The following MCPH1 variants were observed in gnomAD, a reference collection of about 807,000 sequenced individuals.
The protein encoded by MCPH1 is microcephalin 1, also known as microcephalin.
MCPH1 carries 104 observed loss-of-function variants against 84.5 expected under a neutral mutation model. The ratio of observed to expected loss-of-function variants is 1.23; its 90% CI spans 1.05 to 1.45. The LOEUF (loss-of-function observed/expected upper bound fraction) is 1.45, where lower values mean the gene tolerates loss of function less well. Ranked by LOEUF, MCPH1 falls within the 40% of genes most tolerant of loss-of-function variation. MCPH1 has a pLI of 0.00. For missense variants in MCPH1, 1,498 were observed against 1,005.7 expected, an observed-to-expected ratio of 1.49 and a Z score of -6.62; for synonymous variants, 514 against 366.8, an observed-to-expected ratio of 1.40 and a Z score of -4.58.
intron 9 of MCPH1, among the ~76,000 whole-genome samples, chr8:6,463,027 C>G (rs1806456743): frequency 6.6e-6 from 1 of 152,182 alleles, no homozygotes; most frequent in Non-Finnish European, 1.5e-5. Flanking sequence ...CACTGTGTTT[C>G]TTGTTGGACT....
At chr8:6,444,009 T>G (rs1361817427) in intron 7 of MCPH1, among the ~76,000 whole-genome samples, 2 of 152,212 alleles carry the variant, frequency 1.3e-5, no homozygotes, top group Non-Finnish European at 2.9e-5. Flanking sequence ...TTCATGCAAG[T>G]CTAGAACTTT....
chr8:6,464,586 C>T (rs945950553), intron 9 of MCPH1, among the ~76,000 whole-genome samples: 1 of 152,184 alleles, frequency 6.6e-6, no homozygotes, highest in Non-Finnish European at 1.5e-5. Context: ...GGGTGGATCT[C>T]CTGTGCCTCA....
chr8:6,478,125 T>G (rs1586008275), intron 10 of MCPH1, among the ~76,000 whole-genome samples: 1 of 152,214 alleles, frequency 6.6e-6, no homozygotes, highest in Non-Finnish European at 1.5e-5. Context: ...GCAACAGATT[T>G]TTGAATTCCT....
At chr8:6,480,643 G>T (rs1211927949) in intron 10 of MCPH1, 71 bp from the exon 11 acceptor site, 8 of 1,560,164 alleles carry the variant, frequency 5.1e-6, no homozygotes, top group African/African-American at 4.1e-5. Context: ...TACTAATATT[G>T]AGTGTAACTG....
At position 6,449,798 on chromosome 8, in the gene MCPH1, T is replaced by G. The variant is rs560120047; in HGVS notation, c.1825+4251T>G. 6.0e-4 allele frequency among the ~76,000 whole-genome samples: 92 copies of G among 152,298 alleles called. 1 individual carries two copies. Among genetic ancestry groups the G allele is most frequent in the Non-Finnish European group, 1.2e-3 (79 of 68,034 alleles). Reference sequence around the variant, plus strand: ...GACAGCACAAGAGAGAATCGTTGCTTATGTGTGGAAATGTGTCCCACCTGA... The same window carrying G: ...GACAGCACAAGAGAGAATCGTTGCTGATGTGTGGAAATGTGTCCCACCTGA... On this transcript the variant is annotated intron_variant, in intron 8 of 13. Transcript: ENST00000344683.
In MCPH1 at chr8:6,435,929, C is replaced by T. The variant is rs1222600545; in HGVS notation, c.322-119C>T. 97 of 1,267,196 alleles carry T rather than the reference C, an allele frequency of 7.7e-5. No individual in the cohort carries two copies. The South Asian group carries it at 1.3e-3, about 17-fold the overall frequency. The allele number at this position is 1,267,196 out of a possible 1,614,324, so 78.5% of individuals were successfully genotyped here. The stretch of plus-strand genomic sequence containing the variant: ...TTCACATACAGTGCAAGAAACACCT[C>T]TTTTAGAATTTTTTATTACTGATGT... On this transcript the variant is annotated intron_variant, in intron 4 of 13. Transcript: ENST00000344683.
rs193176661 is a variant in MCPH1 at position 6,512,497 on chromosome 8, A to G, written c.2214+12568A>G. Among the ~76,000 whole-genome samples, 64 of 152,296 alleles carry G rather than the reference A, an allele frequency of 4.2e-4. 1 individual carries two copies. The highest frequency in any genetic ancestry group is 7.3e-4 in the Non-Finnish European group (50 of 68,032). On this transcript the variant is annotated intron_variant, in intron 12 of 13. Transcript: ENST00000344683. Reference sequence around the variant, plus strand: ...TCTGACCTCAAAGTGGGTATTTCATAATGTGTGCTCCATGATCACGAGGCG... The same window carrying G: ...TCTGACCTCAAAGTGGGTATTTCATGATGTGTGCTCCATGATCACGAGGCG...
At chr8:6,603,158 G>A (rs916821868) in intron 12 of MCPH1, among the ~76,000 whole-genome samples, 3 of 152,006 alleles carry the variant, frequency 2.0e-5, no homozygotes, top group South Asian at 4.2e-4. Context: ...AGCCTCTACC[G>A]CCGGACTCTG....
chr8:6,562,909 A>G, intron 12 of MCPH1: 1 of 1,595,660 alleles, frequency 6.3e-7, no homozygotes, highest in South Asian at 1.1e-5. Context: ...ATCACAGCTC[A>G]GAGTAAAGAA....
intron 9 of MCPH1, among the ~76,000 whole-genome samples, chr8:6,462,279 A>G (rs1225979848): frequency 6.6e-6 from 1 of 152,234 alleles, no homozygotes; most frequent in Non-Finnish European, 1.5e-5. Context: ...TTGTTCTTAC[A>G]TCTTTGCTAG....
intron 9 of MCPH1, among the ~76,000 whole-genome samples, chr8:6,466,230 A>C (rs1354160047): frequency 6.9e-6 from 1 of 144,824 alleles, no homozygotes; most frequent in Non-Finnish European, 1.5e-5. Context: ...TCCGCTTCCC[A>C]GGTTCAAGTG....
At chr8:6,440,889 G>C (rs1803408728) in intron 6 of MCPH1, among the ~76,000 whole-genome samples, 1 of 152,158 alleles carries the variant, frequency 6.6e-6, no homozygotes, top group African/African-American at 2.4e-5. Context: ...TCTCTGTCTT[G>C]CCTAGTTCAG....
chr8:6,625,663 G>A, intron 13 of MCPH1: 1 of 985,238 alleles, frequency 1.0e-6, no homozygotes, highest in African/African-American at 1.7e-5. Flanking sequence ...CGGGCGTGGT[G>A]GCCCATGCCT....
rs1832066736 is a variant in MCPH1, at chr8:6,626,290, C to T, written c.2452+4599C>T. 8.1e-6 allele frequency: 8 copies of T among 985,308 alleles called. No individual in the cohort carries two copies. In the South Asian group the frequency reaches 3.3e-4, roughly 41 times the overall value. 61.0% of individuals were successfully genotyped at this position (985,308 alleles called of 1,614,324 possible). On this transcript the variant is annotated intron_variant, in intron 13 of 13. Coordinates refer to ENST00000344683, the MANE Select transcript of MCPH1 (RefSeq NM_024596.5). ...GTAAGCCACGCCTCACTCACTTGCT[C>T]CCTGGAGAATTTCATCTGCGCCGCG...
chr8:6,626,744 A>G (rs932844988), intron 13 of MCPH1: 1 of 985,354 alleles, frequency 1.0e-6, no homozygotes, highest in Non-Finnish European at 1.2e-6. Flanking sequence ...GAGGATCACA[A>G]GCCCTTGGGT....
chr8:6,627,606 C>T (rs1796838345), intron 13 of MCPH1, among the ~76,000 whole-genome samples: 1 of 152,176 alleles, frequency 6.6e-6, no homozygotes, highest in Non-Finnish European at 1.5e-5. Flanking sequence ...AAATATATAT[C>T]TCAGCCAGGT....
At chr8:6,499,309 G>A (rs1216950843) in intron 11 of MCPH1, among the ~76,000 whole-genome samples, 6 of 152,042 alleles carry the variant, frequency 3.9e-5, no homozygotes, top group East Asian at 1.9e-4. Context: ...TAATGATGAC[G>A]ATGAAAGCTT....
intron 12 of MCPH1, chr8:6,562,562 T>TTTTTTTTTTTTTTTTTTTG: frequency 4.9e-6 from 1 of 203,142 alleles, no homozygotes; most frequent in African/African-American, 2.4e-5. Context: ...CTTTTTTTTT[T>TTTTTTTTTTTTTTTTTTTG]TTTTTTTTTG....
intron 12 of MCPH1, chr8:6,619,217 GAC>G (rs1464102792): frequency 3.9e-5 from 6 of 152,210 alleles, no homozygotes; most frequent in African/African-American, 1.4e-4. Flanking sequence ...CAATAAAGAA[GAC>G]ACAGACAACA....
Sources: gnomAD v4.1 joint callset for allele counts (sites outside exome capture counted in the v4.1 genomes callset) on GRCh38, gnomAD v4.1.1 for gene constraint, MANE v1.5 for transcripts, NCBI Gene and HGNC (gene_info 2026-07-23, HGNC 2026-07-21) for gene names.